The following TRMT11 variants were observed in gnomAD, a reference collection of about 807,000 sequenced individuals.
TRMT11 encodes the protein tRNA (guanine(10)-N(2))-methyltransferase TRMT11.
In TRMT11, 53 loss-of-function variants were observed where a neutral mutation model predicts 62.8. The ratio of observed to expected loss-of-function variants is 0.84; its 90% CI spans 0.68 to 1.06. The LOEUF is 1.06. TRMT11 is among the 50% of genes least tolerant of loss of function. The pLI, the probability that TRMT11 is intolerant of heterozygous loss-of-function variation, is 0.00. For synonymous variants in TRMT11, 188 were observed against 190.3 expected, an observed-to-expected ratio of 0.99 and a Z score of 0.10; for missense variants, 556 against 553.4, an observed-to-expected ratio of 1.00 and a Z score of -0.05.
Position 125,993,792 on chromosome 6 carries a change from G to T in TRMT11, c.108G>T (p.Gln36His). The change falls in exon 2 of 13, where the codon CAG (glutamine) becomes CAT (histidine). Residue 36 changes from glutamine (Q) to histidine (H), a missense_variant. Transcript: ENST00000334379. ...CTTTGCTTTTGCTTTTTGGAGGTCA[G>T]TTTGCCAGCAGTCAAGAAACTTATG... is the stretch of plus-strand genomic sequence containing the variant. Reference protein sequence around the residue: ...IKSLLLLFGGQFASSQETYGK... With the variant: ...IKSLLLLFGGHFASSQETYGK... 6.2e-7 allele frequency: 1 copy of T among 1,610,962 alleles called. No individual in the cohort carries two copies.
intron 1 of TRMT11, among the ~76,000 whole-genome samples, chr6:126,183,508 A>T (rs1731287310): frequency 6.6e-6 from 1 of 152,278 alleles, no homozygotes; most frequent in African/African-American, 2.4e-5. Flanking sequence ...GGAGTAAAGG[A>T]TTTCAGATAG....
intron 21 of TRMT11, among the ~76,000 whole-genome samples, chr6:126,166,956 C>T (rs1778274841): frequency 6.6e-6 from 1 of 152,116 alleles, no homozygotes; most frequent in South Asian, 2.1e-4. Context: ...TGACCAGTGT[C>T]CCACCCCCCA....
chr6:126,023,545 G>T (rs1796136003), intron 12 of TRMT11, among the ~76,000 whole-genome samples: 1 of 152,166 alleles, frequency 6.6e-6, no homozygotes. Flanking sequence ...TGACTTGGGG[G>T]GCTGAGGCAG....
At chr6:126,035,110 C>T (rs1301549418) in intron 12 of TRMT11, among the ~76,000 whole-genome samples, 1 of 151,924 alleles carries the variant, frequency 6.6e-6, no homozygotes, top group Non-Finnish European at 1.5e-5. Context: ...CTGAATGCTG[C>T]ATAGAGTATA....
chr6:126,024,303 C>G (rs562752505), intron 12 of TRMT11, among the ~76,000 whole-genome samples: 2 of 152,302 alleles, frequency 1.3e-5, no homozygotes, highest in South Asian at 4.1e-4. Context: ...GCTGGAAATT[C>G]AAGAGTAAGG....
chr6:126,197,812 A>C (rs1183871346), intron 1 of TRMT11, among the ~76,000 whole-genome samples: 1 of 152,098 alleles, frequency 6.6e-6, no homozygotes, highest in Non-Finnish European at 1.5e-5. Flanking sequence ...TGTGCAGCTA[A>C]AGCTATCACA....
intron 1 of TRMT11, among the ~76,000 whole-genome samples, chr6:126,193,907 T>G (rs1229179129): frequency 6.6e-6 from 1 of 152,236 alleles, no homozygotes; most frequent in Non-Finnish European, 1.5e-5. Flanking sequence ...AATTTAAATT[T>G]TCCTTATAAT....
At chr6:126,176,716 G>A (rs887877577), upstream of TRMT11, among the ~76,000 whole-genome samples, 1 of 152,070 alleles carries the variant, frequency 6.6e-6, no homozygotes, top group Admixed American at 6.6e-5. Context: ...GCAAAGTATG[G>A]GTAGTTTATT....
the TRMT11 span, among the ~76,000 whole-genome samples, chr6:126,235,667 A>C: frequency 3.3e-5 from 5 of 152,326 alleles, no homozygotes; most frequent in East Asian, 5.8e-4. Context: ...ACATGGACAC[A>C]TGAAGGGGAA....
intron 21 of TRMT11, among the ~76,000 whole-genome samples, chr6:126,119,913 A>G (rs1222619458): frequency 1.3e-5 from 2 of 152,152 alleles, no homozygotes; most frequent in Non-Finnish European, 2.9e-5. Context: ...TAGCAAAAAT[A>G]TTAGAACAAG....
chr6:126,264,368 T>C, the TRMT11 span, among the ~76,000 whole-genome samples: 3 of 152,220 alleles, frequency 2.0e-5, no homozygotes, highest in African/African-American at 7.2e-5. Context: ...TGATATTTGT[T>C]AATTGCCTGC....
intron 17 of TRMT11, among the ~76,000 whole-genome samples, chr6:126,058,999 C>T (rs1583851166): frequency 2.0e-5 from 3 of 150,914 alleles, no homozygotes; most frequent in East Asian, 1.9e-4. Flanking sequence ...GAGACTGAAT[C>T]GAAGAATGAA....
chr6:125,989,927 T>C (rs569652525), intron 1 of TRMT11, among the ~76,000 whole-genome samples: 1 of 152,354 alleles, frequency 6.6e-6, no homozygotes, highest in African/African-American at 2.4e-5. Context: ...GGTTTGGGTC[T>C]TTCCCATTCT....
the TRMT11 span, among the ~76,000 whole-genome samples, chr6:126,259,718 C>T: frequency 6.6e-6 from 1 of 152,090 alleles, no homozygotes; most frequent in Non-Finnish European, 1.5e-5. Context: ...CCTTTTAGGT[C>T]TAATAATATT....
At chr6:126,092,653 G>A (rs1368308843) in intron 17 of TRMT11, among the ~76,000 whole-genome samples, 1 of 152,030 alleles carries the variant, frequency 6.6e-6, no homozygotes, top group African/African-American at 2.4e-5. Flanking sequence ...TACAACCTGA[G>A]CTTTTTGTTC....
chr6:125,993,953 A>G (rs1291786650), intron 2 of TRMT11, 131 bp downstream of exon 2: 5 of 500,524 alleles, frequency 1.0e-5, no homozygotes, highest in Non-Finnish European at 1.7e-5. Flanking sequence ...GCAGTGGAAT[A>G]AAGTGGATAT....
chr6:126,143,558 G>A (rs1777942773), intron 21 of TRMT11, among the ~76,000 whole-genome samples: 1 of 152,016 alleles, frequency 6.6e-6, no homozygotes, highest in African/African-American at 2.4e-5. Flanking sequence ...ATTAAGAATT[G>A]TCTCTGTTAT....
chr6:126,089,268 C>A (rs149711987), intron 17 of TRMT11, among the ~76,000 whole-genome samples: 7 of 152,018 alleles, frequency 4.6e-5, no homozygotes, highest in African/African-American at 1.7e-4. Flanking sequence ...CGCCTGCCAC[C>A]GTGCCCAGCA....
downstream of TRMT11, among the ~76,000 whole-genome samples, chr6:126,043,061 T>G (rs1775926772): frequency 2.0e-5 from 3 of 151,950 alleles, no homozygotes; most frequent in African/African-American, 7.2e-5. Context: ...TTTTATTTTA[T>G]TATTATTATA....
Sources: allele counts gnomAD v4.1 joint callset (sites outside exome capture counted in the v4.1 genomes callset), GRCh38; gene constraint gnomAD v4.1.1; transcripts MANE v1.5; gene names NCBI Gene and HGNC (gene_info 2026-07-23, HGNC 2026-07-21).